Variants in NOD2 observed in about 807,000 individuals in gnomAD.
NOD2 encodes nucleotide binding oligomerization domain containing 2.
NOD2 carries 86 observed loss-of-function variants against 90.9 expected under a neutral mutation model. The observed-to-expected ratio is 0.95, with a 90% confidence interval of 0.79 to 1.13. The LOEUF is 1.13. NOD2 is among the 50% of genes most tolerant of loss of function. The pLI is 0.00. For synonymous variants in NOD2, 581 were observed against 554.6 expected (o/e 1.05, Z -0.67); for missense variants, 1,238 against 1,283.8 (o/e 0.96, Z 0.55).
chr16:50,726,301 T>G (rs930371108), intron 10 of NOD2, among the ~76,000 whole-genome samples: 1 of 152,284 alleles, frequency 6.6e-6, no homozygotes, highest in Non-Finnish European at 1.5e-5. Flanking sequence ...CTCCTTTTGC[T>G]GGAGGAAAGT....
At position 50,712,038 on chromosome 16, in the gene NOD2, G is replaced by T. The variant is rs776701942; in HGVS notation, c.2046G>T (p.Trp682Cys). The change falls in exon 4 of 12, where the codon TGG (tryptophan) becomes TGT (cysteine). Residue 682 changes from tryptophan (W) to cysteine (C), a missense_variant. Physicochemically the swap from Trp to Cys is radical, Grantham distance 215 (BLOSUM62 -2). This residue lies in a region of NOD2 where 667 missense variants were observed against 688.7 expected (regional missense o/e 0.97). Coordinates refer to ENST00000647318, the MANE Select transcript of NOD2 (RefSeq NM_001370466.1). ...TCCGGCGCCAGGCCTGTGCCCGCTG[G>T]TGTCTGGCCCGCAGCCTCCGCAAGC... is the stretch of plus-strand genomic sequence containing the variant. ...ALLRRQACAR[W>C]CLARSLRKHF... The T allele has an allele frequency of 3.1e-6, 5 of 1,613,092 alleles. No individual in the cohort carries two copies. Among genetic ancestry groups the T allele is most frequent in the Non-Finnish European group, 4.2e-6 (5 of 1,179,890 alleles).
rs372242098 is a variant in NOD2 at position 50,723,172 on chromosome 16, C to T, written c.2718-129C>T. The T allele has an allele frequency of 5.7e-4, 392 of 682,956 alleles. 5 individuals carry two copies. In the South Asian group the frequency reaches 6.2e-3, roughly 11 times the overall value. The allele number at this position is 682,956 out of a possible 1,614,324, so 42.3% of individuals were successfully genotyped here. ...AAAAAAAAGAAAAAAGAAAGAGCAC[C>T]GCAATCAATTAGTGATGTCTGAAAT... On this transcript the variant is annotated intron_variant, in intron 8 of 11. Coordinates refer to ENST00000647318, the MANE Select transcript of NOD2 (RefSeq NM_001370466.1).
intron 11 of NOD2, 87 bp downstream of exon 11, chr16:50,729,988 G>T (rs1399296029): frequency 1.2e-6 from 1 of 862,276 alleles, no homozygotes; most frequent in Non-Finnish European, 1.9e-6. Flanking sequence ...AGGAATGGCA[G>T]AATTTTGAGG....
intron 10 of NOD2, among the ~76,000 whole-genome samples, chr16:50,725,881 A>G (rs1160763031): frequency 6.6e-6 from 1 of 152,238 alleles, no homozygotes; most frequent in African/African-American, 2.4e-5. Flanking sequence ...TCCTGGAGCC[A>G]GTGCAGAACA....
intron 1 of NOD2, among the ~76,000 whole-genome samples, chr16:50,694,891 G>A (rs1013945469): frequency 6.6e-6 from 1 of 152,108 alleles, no homozygotes; most frequent in Non-Finnish European, 1.5e-5. Context: ...GAAGTACTAC[G>A]AGTAAAACAA....
rs1465843098 is a variant in NOD2, at chr16:50,731,893, A to G, written c.*74A>G. ...GTTTGGGCCCCAGAGGCTGGGTGAC[A>G]TGTGTTGGCAGCCTCTTCAAAATGA... On this transcript the variant is annotated 3_prime_UTR_variant, in exon 12 of 12. Transcript: ENST00000647318. 9.0e-7 allele frequency: 1 copy of G among 1,111,332 alleles called. No homozygotes were observed. The highest frequency in any genetic ancestry group is 1.4e-6 in the Non-Finnish European group (1 of 726,214). The allele number at this position is 1,111,332 out of a possible 1,614,324, so 68.8% of individuals were successfully genotyped here. A position where few individuals can be genotyped will look rare whatever the true frequency, so the allele number is the denominator to read the frequency against.
chr16:50,697,442 G>C, intron 1 of NOD2: 4 of 936,216 alleles, frequency 4.3e-6, no homozygotes, highest in Non-Finnish European at 6.8e-6. Context: ...CTGTTTTCTG[G>C]GGAGAATGGG....
rs749605438 is a variant in NOD2, at chr16:50,699,912, A to C, written c.417A>C (p.Glu139Asp). ...AWERGFVSQYECDEIRLPIFT... is the reference protein window; with the variant it reads ...AWERGFVSQYDCDEIRLPIFT... ...AGCGGGGTTTCGTCAGCCAGTATGA[A>C]TGTGATGAAATCAGGTTGCCGATCT... Residue 139 changes from glutamate to aspartate, a missense_variant, in exon 2 of 12, where the codon GAA becomes GAC. By Grantham distance (45) the Glu-to-Asp change is conservative. Around this residue, in one of 3 missense-constraint regions of NOD2, gnomAD observed 567 missense variants for 577.3 expected, o/e 0.98. Coordinates refer to ENST00000647318, the MANE Select transcript of NOD2 (RefSeq NM_001370466.1). The C allele has an allele frequency of 6.2e-7, 1 of 1,611,298 alleles. No homozygotes were observed. The highest frequency in any genetic ancestry group is 8.5e-7 in the Non-Finnish European group (1 of 1,179,990).
intron 6 of NOD2, among the ~76,000 whole-genome samples, chr16:50,718,004 G>A (rs1271936677): frequency 2.0e-5 from 3 of 152,164 alleles, no homozygotes; most frequent in African/African-American, 7.2e-5. Flanking sequence ...TATAAATTAG[G>A]CACAGTAAGA....
intron 3 of NOD2, 141 bp downstream of exon 3, chr16:50,708,101 A>G: frequency 1.4e-6 from 1 of 706,876 alleles, no homozygotes; most frequent in Non-Finnish European, 2.6e-6. Context: ...TTTTAAGGCT[A>G]GCACCACCCC....
intron 2 of NOD2, among the ~76,000 whole-genome samples, chr16:50,702,487 T>C (rs1963987360): frequency 6.6e-6 from 1 of 152,216 alleles, no homozygotes; most frequent in Non-Finnish European, 1.5e-5. Context: ...GTGGCCTTAC[T>C]GATTTCATTT....
chr16:50,722,487 A>C (rs1033089977), intron 7 of NOD2, 135 bp from the exon 8 acceptor site: 17 of 872,750 alleles, frequency 1.9e-5, no homozygotes, highest in Non-Finnish European at 2.9e-5. Context: ...CAGGAGCCCC[A>C]GTGAGGCCAC....
rs770524298 is a variant in NOD2 at position 50,699,932 on chromosome 16, C to T, written c.437C>T (p.Pro146Leu). Residue 146 changes from proline to leucine, a missense_variant, in exon 2 of 12, where the codon CCG becomes CTG. Pro to Leu is a moderately conservative substitution (Grantham distance 98). Coordinates refer to ENST00000647318, the MANE Select transcript of NOD2 (RefSeq NM_001370466.1). ...SQYECDEIRL[P>L]IFTPSQRARR... ...TATGAATGTGATGAAATCAGGTTGCCGATCTTCACACCGTCCCAGAGGGTG... is the reference window on the plus strand; with the variant it reads ...TATGAATGTGATGAAATCAGGTTGCTGATCTTCACACCGTCCCAGAGGGTG... 2.1e-5 allele frequency: 33 copies of T among 1,608,826 alleles called. No individual in the cohort carries two copies. The Admixed American group carries it at 3.7e-4, about 18-fold the overall frequency.
chr16:50,705,343 C>T (rs1350508626), intron 2 of NOD2, among the ~76,000 whole-genome samples: 1 of 152,152 alleles, frequency 6.6e-6, no homozygotes, highest in African/African-American at 2.4e-5. Context: ...CTACAAGTTT[C>T]TTTCCCCTTC....
chr16:50,703,957 A>G (rs1452522201), intron 2 of NOD2, among the ~76,000 whole-genome samples: 1 of 152,208 alleles, frequency 6.6e-6, no homozygotes, highest in Non-Finnish European at 1.5e-5. Flanking sequence ...TGCTTTGTAC[A>G]GTCAGTGGTA....
In NOD2 at chr16:50,694,081, A is replaced by G. The variant is rs886496246; in HGVS notation, c.-9+419A>G. Among the ~76,000 whole-genome samples, 131 of 152,200 alleles carry G rather than the reference A, an allele frequency of 8.6e-4. 1 individual carries two copies. Among genetic ancestry groups the G allele is most frequent in the Non-Finnish European group, 3.5e-4 (24 of 67,994 alleles). ...CATCCCTTCCCAGACAGCCCACACC[A>G]GGACCTGCGAGGCCACATCCCCCAG... On this transcript the variant is annotated intron_variant, in intron 1 of 11. Coordinates refer to ENST00000647318, the MANE Select transcript of NOD2 (RefSeq NM_001370466.1).
chr16:50,726,346 C>T (rs1217832568), intron 10 of NOD2, among the ~76,000 whole-genome samples: 5 of 152,200 alleles, frequency 3.3e-5, no homozygotes, highest in East Asian at 1.9e-4. Context: ...CCTAGGAAAA[C>T]GCTTGCCTTT....
intron 3 of NOD2, chr16:50,709,921 G>A (rs988179239): frequency 1.1e-5 from 5 of 455,912 alleles, no homozygotes; most frequent in Admixed American, 4.7e-5. Flanking sequence ...CCTTCCAGGT[G>A]TATATTGTCC....
chr16:50,725,520 G>T lies in NOD2; in HGVS notation c.2833G>T (p.Val945Leu). Residue 945 changes from valine to leucine, a missense_variant, in exon 10 of 12, where the codon GTA (valine) becomes TTA (leucine). Transcript: ENST00000647318. Reference sequence around the variant, plus strand: ...GGAGAACCATCTCCAGGATGAAGGTGTATGTTCTCTCGCAGAAGGACTGAA... The same window carrying T: ...GGAGAACCATCTCCAGGATGAAGGTTTATGTTCTCTCGCAGAAGGACTGAA... ...LEENHLQDEG[V>L]CSLAEGLKKN... 1 of 1,614,132 alleles carries T rather than the reference G, an allele frequency of 6.2e-7. No individual in the cohort carries two copies. Among genetic ancestry groups the T allele is most frequent in the Non-Finnish European group, 8.5e-7 (1 of 1,179,960 alleles).
Sources: allele counts gnomAD v4.1 joint callset (sites outside exome capture counted in the v4.1 genomes callset), GRCh38; gene constraint gnomAD v4.1.1; regional missense constraint gnomAD v4.1.1; transcripts MANE v1.5; gene names NCBI Gene and HGNC (gene_info 2026-07-23, HGNC 2026-07-21).